The following PLS1 variants were observed in gnomAD, a reference collection of about 807,000 sequenced individuals.
PLS1 encodes the protein plastin 1.
A neutral mutation model predicts 73.7 loss-of-function variants in PLS1; 32 were observed. The observed-to-expected ratio is 0.43, with a 90% CI of 0.33 to 0.58. The LOEUF is 0.58. Ranked by LOEUF, PLS1 falls within the 20% of genes least tolerant of loss-of-function variation. The pLI is 0.04. For missense variants in PLS1, 633 were observed against 740.5 expected, an observed-to-expected ratio of 0.85 and a Z score of 1.68; for synonymous variants, 217 against 261.3, an observed-to-expected ratio of 0.83 and a Z score of 1.63.
In PLS1 at chr3:142,629,129, G is replaced by A. The variant is rs191222874; in HGVS notation, c.-37+32620G>A. Among the ~76,000 whole-genome samples, 382 of 152,242 alleles carry A rather than the reference G, an allele frequency of 2.5e-3. 19 individuals carry two copies. The highest frequency in any genetic ancestry group is 0.025 in the Admixed American group (378 of 15,266). On this transcript the variant is annotated intron_variant, in intron 1 of 15. Transcript: ENST00000457734. ...TGGGCAAGTTAGTTAACCTTAGTGAGCTTGATTTTATAAGTAAAAATAGAG... is the reference window on the plus strand; with the variant it reads ...TGGGCAAGTTAGTTAACCTTAGTGAACTTGATTTTATAAGTAAAAATAGAG...
At chr3:142,620,477 T>A (rs1215903303) in intron 1 of PLS1, among the ~76,000 whole-genome samples, 1 of 152,190 alleles carries the variant, frequency 6.6e-6, no homozygotes, top group Non-Finnish European at 1.5e-5. Context: ...ACAGATGATA[T>A]GACAATCTTA....
intron 1 of PLS1, chr3:142,645,171 T>C (rs557970699): frequency 3.3e-5 from 5 of 152,370 alleles, no homozygotes; most frequent in African/African-American, 1.2e-4. Flanking sequence ...TTCTTTGTGA[T>C]TGATATTTTT....
At position 142,700,353 on chromosome 3, in the gene PLS1, C is replaced by G. The variant is rs187671036; in HGVS notation, c.1371+2286C>G. On this transcript the variant is annotated intron_variant, in intron 12 of 15. Transcript: ENST00000457734. ...TATTTATTTATTTGAGATGGAGTCTCGCTCTGTTGCCCAGGCTGGAGTGCA... is the reference window on the plus strand; with the variant it reads ...TATTTATTTATTTGAGATGGAGTCTGGCTCTGTTGCCCAGGCTGGAGTGCA... Among the ~76,000 whole-genome samples, 521 of 151,906 alleles carry G rather than the reference C, an allele frequency of 3.4e-3. 6 individuals are homozygous for G. The highest frequency in any genetic ancestry group is 0.011 in the African/African-American group (475 of 41,404).
intron 4 of PLS1, among the ~76,000 whole-genome samples, chr3:142,672,623 A>G (rs914872052): frequency 2.6e-5 from 4 of 152,126 alleles, no homozygotes; most frequent in Non-Finnish European, 4.4e-5. Context: ...GATTACAGGC[A>G]TGAGCCACCA....
intron 1 of PLS1, among the ~76,000 whole-genome samples, chr3:142,599,802 T>C (rs1246607734): frequency 6.6e-6 from 1 of 152,154 alleles, no homozygotes; most frequent in East Asian, 1.9e-4. Context: ...TCACCCAGGC[T>C]GGAGTGCAGT....
chr3:142,602,665 T>A (rs1184832146), intron 1 of PLS1, among the ~76,000 whole-genome samples: 1 of 151,980 alleles, frequency 6.6e-6, no homozygotes, highest in Non-Finnish European at 1.5e-5. Context: ...CTCCTCTTGA[T>A]GAACCTAATT....
chr3:142,669,326 A>T lies in PLS1; in HGVS notation c.71-64A>T, dbSNP rs551880693. On this transcript the variant is annotated intron_variant, in intron 2 of 15. Coordinates refer to ENST00000457734, the MANE Select transcript of PLS1 (RefSeq NM_001145319.2). ...CTGCACATCTATGAATCCTCCCAAAAGGCATCCTTATTGTACACCTTCAAC... is the reference window on the plus strand; with the variant it reads ...CTGCACATCTATGAATCCTCCCAAATGGCATCCTTATTGTACACCTTCAAC... 2.0e-5 allele frequency: 18 copies of T among 922,892 alleles called. No homozygotes were observed. The Admixed American group carries it at 3.1e-4, about 16-fold the overall frequency. The allele number at this position is 922,892 out of a possible 1,614,324, so 57.2% of individuals were successfully genotyped here.
At chr3:142,610,089 G>A (rs1336459542) in intron 1 of PLS1, among the ~76,000 whole-genome samples, 1 of 152,152 alleles carries the variant, frequency 6.6e-6, no homozygotes, top group Non-Finnish European at 1.5e-5. Flanking sequence ...AGCTGATCTC[G>A]AATTCCTGAC....
intron 1 of PLS1, among the ~76,000 whole-genome samples, chr3:142,607,048 C>T (rs533806697): frequency 5.9e-5 from 9 of 152,210 alleles, no homozygotes; most frequent in Middle Eastern, 3.4e-3. Flanking sequence ...ACATTCCTAC[C>T]GGCAATGAAT....
intron 1 of PLS1, among the ~76,000 whole-genome samples, chr3:142,620,281 T>C (rs1452695335): frequency 1.3e-5 from 2 of 152,124 alleles, no homozygotes; most frequent in Non-Finnish European, 2.9e-5. Flanking sequence ...CCTGCCACCA[T>C]GCCTGGCTAA....
chr3:142,616,562 T>G (rs1560031278), intron 1 of PLS1, among the ~76,000 whole-genome samples: 1 of 152,152 alleles, frequency 6.6e-6, no homozygotes, highest in Admixed American at 6.6e-5. Context: ...TTGTATCTAT[T>G]CATTTTCATG....
At chr3:142,700,445 C>T (rs1464996470) in intron 12 of PLS1, among the ~76,000 whole-genome samples, 1 of 152,066 alleles carries the variant, frequency 6.6e-6, no homozygotes, top group African/African-American at 2.4e-5. Flanking sequence ...GCCTCAGCCT[C>T]CTAAGTAGCT....
intron 1 of PLS1, among the ~76,000 whole-genome samples, chr3:142,643,348 A>C (rs2036882196): frequency 6.6e-6 from 1 of 152,170 alleles, no homozygotes; most frequent in South Asian, 2.1e-4. Flanking sequence ...GTGGTGTGTA[A>C]AGTAAATTTT....
chr3:142,606,441 A>T lies in PLS1; in HGVS notation c.-37+9932A>T, dbSNP rs554132984. Among the ~76,000 whole-genome samples, 5 of 152,352 alleles carry T rather than the reference A, an allele frequency of 3.3e-5. No homozygotes were observed. In the South Asian group the frequency reaches 1.0e-3, roughly 32 times the overall value. On this transcript the variant is annotated intron_variant, in intron 1 of 15. Transcript: ENST00000457734. ...TGTTTCATCAGTATTCTTGGCACAC[A>T]TGACATTGTTTTTAAAATAACAGTT...
At chr3:142,626,821 A>C (rs1199316373) in intron 1 of PLS1, among the ~76,000 whole-genome samples, 2 of 152,330 alleles carry the variant, frequency 1.3e-5, no homozygotes, top group East Asian at 3.9e-4. Context: ...TAGTGAGTGT[A>C]GCTTTGGTAT....
intron 9 of PLS1, among the ~76,000 whole-genome samples, chr3:142,689,072 G>A (rs540920238): frequency 6.6e-5 from 10 of 152,120 alleles, no homozygotes; most frequent in African/African-American, 1.9e-4. Flanking sequence ...GAGTATTTTA[G>A]CAAAAAGGGT....
At chr3:142,696,131 AT>A (rs1010223876) in intron 11 of PLS1, among the ~76,000 whole-genome samples, 23 of 152,258 alleles carry the variant, frequency 1.5e-4, no homozygotes, top group Admixed American at 1.0e-3. Context: ...ACATGATTGC[AT>A]TTTTTTGGAC....
intron 1 of PLS1, among the ~76,000 whole-genome samples, chr3:142,615,888 T>C (rs7638338): frequency 0.25 from 38,718 of 152,134 alleles, 7,044 homozygotes; most frequent in African/African-American, 0.52. Context: ...ATTAGCATTA[T>C]GTTGAAGCTT....
chr3:142,693,418 G>A (rs1188237173), intron 10 of PLS1, among the ~76,000 whole-genome samples: 1 of 152,136 alleles, frequency 6.6e-6, no homozygotes, highest in Non-Finnish European at 1.5e-5. Context: ...AGATTTATGT[G>A]CCAAATTGTC....
Sources: allele counts gnomAD v4.1 joint callset (sites outside exome capture counted in the v4.1 genomes callset), GRCh38; gene constraint gnomAD v4.1.1; transcripts MANE v1.5; gene names NCBI Gene and HGNC (gene_info 2026-07-23, HGNC 2026-07-21).